Variants in NECTIN3 observed in about 807,000 individuals in gnomAD.
NECTIN3 encodes the protein nectin cell adhesion molecule 3, also known as nectin-3.
Under a neutral mutation model 49.4 loss-of-function variants are expected in NECTIN3, and 8 were observed. The observed-to-expected ratio is 0.16, with a 90% confidence interval of 0.10 to 0.29. The LOEUF (loss-of-function observed/expected upper bound fraction) is 0.29, where lower values mean the gene tolerates loss of function less well. Among genes scored for constraint, NECTIN3 ranks in the 10% least tolerant of loss-of-function variants. NECTIN3 has a pLI of 1.00. For synonymous variants in NECTIN3, 277 were observed against 241.1 expected, an observed-to-expected ratio of 1.15 and a Z score of -1.38; for missense variants, 581 against 654.6, an observed-to-expected ratio of 0.89 and a Z score of 1.23.
chr3:111,083,046 G>A (rs113740739), intron 1 of NECTIN3, among the ~76,000 whole-genome samples: 9 of 152,196 alleles, frequency 5.9e-5, no homozygotes, highest in African/African-American at 1.7e-4. Flanking sequence ...TTGTAAATAC[G>A]GATGAGAGAT....
intron 7 of NECTIN3, among the ~76,000 whole-genome samples, chr3:111,157,792 T>C (rs1046009729): frequency 6.6e-6 from 1 of 152,034 alleles, no homozygotes; most frequent in African/African-American, 2.4e-5. Flanking sequence ...CTCCTTTTTT[T>C]CCCCTGGGAA....
chr3:111,122,298 T>C, intron 4 of NECTIN3, 60 bp downstream of exon 4: 1 of 1,302,044 alleles, frequency 7.7e-7, no homozygotes, highest in East Asian at 2.3e-5. Flanking sequence ...TAAATCCCCA[T>C]TCTAAATTGT....
chr3:111,184,029 AT>A (rs1256673127), intron 7 of NECTIN3, among the ~76,000 whole-genome samples: 1 of 151,980 alleles, frequency 6.6e-6, no homozygotes, highest in Non-Finnish European at 1.5e-5. Flanking sequence ...ACTATATTCA[AT>A]TTTTTCAGCC....
At chr3:111,190,469 T>G (rs1013104627), upstream of NECTIN3, among the ~76,000 whole-genome samples, 11 of 152,196 alleles carry the variant, frequency 7.2e-5, no homozygotes, top group Non-Finnish European at 1.3e-4. Context: ...CACCGTAAAC[T>G]AGGTAGCTAA....
At chr3:111,151,113 A>G (rs758504735) in intron 7 of NECTIN3, among the ~76,000 whole-genome samples, 7 of 151,960 alleles carry the variant, frequency 4.6e-5, no homozygotes, top group Non-Finnish European at 7.4e-5. Context: ...TGCTTGGCAC[A>G]TATAAGTACC....
At chr3:111,182,242 C>A (rs2035639787) in intron 7 of NECTIN3, among the ~76,000 whole-genome samples, 1 of 151,950 alleles carries the variant, frequency 6.6e-6, no homozygotes, top group South Asian at 2.1e-4. Context: ...TCTTTTAAAA[C>A]CCAGAGTATA....
At chr3:111,090,951 A>G (rs1660558470) in intron 1 of NECTIN3, among the ~76,000 whole-genome samples, 1 of 151,876 alleles carries the variant, frequency 6.6e-6, no homozygotes, top group Non-Finnish European at 1.5e-5. Context: ...TGTGTATCTC[A>G]TAAGCATTTT....
At chr3:111,120,243 G>GT (rs958043894) in intron 3 of NECTIN3, among the ~76,000 whole-genome samples, 103 of 149,164 alleles carry the variant, frequency 6.9e-4, no homozygotes, top group African/African-American at 1.6e-3. Context: ...TTTTCAATTT[G>GT]TTTTTTTTTG....
intron 7 of NECTIN3, among the ~76,000 whole-genome samples, chr3:111,175,107 C>T (rs2107528805): frequency 6.6e-6 from 1 of 151,944 alleles, no homozygotes; most frequent in African/African-American, 2.4e-5. Context: ...TCTTCCACCA[C>T]CTCCAGCCAA....
chr3:111,143,376 T>A (rs2034796824), intron 5 of NECTIN3, among the ~76,000 whole-genome samples: 1 of 151,888 alleles, frequency 6.6e-6, no homozygotes, highest in African/African-American at 2.4e-5. Flanking sequence ...TTGGACTTAC[T>A]GGTTGTAAGA....
chr3:111,148,146 A>G (rs2034921613), intron 7 of NECTIN3, among the ~76,000 whole-genome samples: 1 of 152,068 alleles, frequency 6.6e-6, no homozygotes, highest in Admixed American at 6.6e-5. Context: ...GGGTTGTATA[A>G]CCTCTGGGGG....
chr3:111,158,480 A>G (rs2035143911), intron 7 of NECTIN3, among the ~76,000 whole-genome samples: 1 of 152,124 alleles, frequency 6.6e-6, no homozygotes, highest in Non-Finnish European at 1.5e-5. Context: ...ATGCCTTATT[A>G]TTGATATATA....
chr3:111,145,014 A>G, exon 6 of NECTIN3: 1 of 1,536,536 alleles, frequency 6.5e-7, no homozygotes, highest in East Asian at 2.4e-5. Context: ...CTCGAAAAAA[A>G]AGACCATCCT....
rs1359744953 is a variant in NECTIN3, at chr3:111,072,593, G to C, written c.160+416G>C. Reference sequence around the variant, plus strand: ...TGTGAGCCCAGAAACCCTAGGGACCGGAGCCCGATGGAATGAAGCCTCCGG... The same window carrying C: ...TGTGAGCCCAGAAACCCTAGGGACCCGAGCCCGATGGAATGAAGCCTCCGG... On this transcript the variant is annotated intron_variant, in intron 1 of 5. Transcript: ENST00000485303. 2.6e-6 allele frequency: 4 copies of C among 1,531,934 alleles called. No homozygotes were observed. In the African/African-American group the frequency reaches 5.5e-5, roughly 21 times the overall value. 94.9% of individuals were successfully genotyped at this position (1,531,934 alleles called of 1,614,324 possible).
At chr3:111,188,303 G>T (rs1190111500), upstream of NECTIN3, among the ~76,000 whole-genome samples, 1 of 152,150 alleles carries the variant, frequency 6.6e-6, no homozygotes, top group African/African-American at 2.4e-5. Flanking sequence ...GTTCCCTAAT[G>T]CAGGGCCTTT....
chr3:111,107,328 G>A (rs1194904932), intron 1 of NECTIN3, among the ~76,000 whole-genome samples: 5 of 151,960 alleles, frequency 3.3e-5, no homozygotes, highest in Non-Finnish European at 7.4e-5. Flanking sequence ...CTACAGATAG[G>A]GGAATAAATG....
intron 5 of NECTIN3, among the ~76,000 whole-genome samples, chr3:111,142,806 AC>A: frequency 6.6e-6 from 1 of 151,950 alleles, no homozygotes; most frequent in African/African-American, 2.4e-5. Context: ...TTGAAAAAAA[AC>A]CTTTACGGTA....
Position 111,167,586 on chromosome 3 carries a change from G to A in NECTIN3, c.1221+20102G>A, listed in dbSNP as rs532522320. On this transcript the variant is annotated intron_variant, in intron 7 of 8. Coordinates refer to the NECTIN3 transcript ENST00000493615. ...ATAAAAGCTGGTGCATTGTAGATAC[G>A]ACTTAGAGTAGGTTGATGAAGATGG... 2.6e-5 allele frequency among the ~76,000 whole-genome samples: 4 copies of A among 152,268 alleles called. No homozygotes were observed. The South Asian group carries it at 6.2e-4, about 24-fold the overall frequency.
At chr3:111,192,927 A>G (rs2035838678) in intron 1 of NECTIN3, among the ~76,000 whole-genome samples, 1 of 152,206 alleles carries the variant, frequency 6.6e-6, no homozygotes. Flanking sequence ...CTTAACTGAT[A>G]GCAACTCCAA....
Sources: allele counts gnomAD v4.1 joint callset (sites outside exome capture counted in the v4.1 genomes callset), GRCh38; gene constraint gnomAD v4.1.1; transcripts MANE v1.5; gene names NCBI Gene and HGNC (gene_info 2026-07-23, HGNC 2026-07-21).